Variants in FCHO1 observed in about 807,000 individuals in gnomAD.
FCHO1 encodes the protein F-BAR domain only protein 1.
FCHO1 carries 45 observed loss-of-function variants against 114.4 expected under a neutral mutation model. That is an observed-to-expected ratio of 0.39 (90% CI 0.31 to 0.50). The LOEUF (loss-of-function observed/expected upper bound fraction) is 0.50. Among genes scored for constraint, FCHO1 ranks in the 20% least tolerant of loss-of-function variants. The probability of loss-of-function intolerance (pLI) is 0.77; values close to 1 mark genes in which losing one functional copy is unlikely to be tolerated. For synonymous variants in FCHO1, 480 were observed against 488.9 expected (o/e 0.98, Z 0.24); for missense variants, 1,042 against 1,209.6 (o/e 0.86, Z 2.06).
chr19:17,754,979 G>C, intron 3 of FCHO1, 139 bp from the exon 4 acceptor site: 1 of 670,490 alleles, frequency 1.5e-6, no homozygotes, highest in East Asian at 2.7e-5. Flanking sequence ...ATTATCTCAG[G>C]GGTCCTGGCA....
At chr19:17,778,259 G>T (rs1426236315) in intron 19 of FCHO1, 31 bp downstream of exon 19, 1 of 1,573,170 alleles carries the variant, frequency 6.4e-7, no homozygotes, top group East Asian at 2.2e-5. Flanking sequence ...GAGGGCATGG[G>T]TGTGGCCGGA....
chr19:17,778,561 C>G, intron 19 of FCHO1, 48 bp from the exon 20 acceptor site: 7 of 1,481,686 alleles, frequency 4.7e-6, no homozygotes, highest in Non-Finnish European at 6.3e-6. Flanking sequence ...TGGGCAGGGA[C>G]TCTGAGTGGG....
Position 17,785,555 on chromosome 19 carries a change from C to T in FCHO1, c.2426+631C>T, listed in dbSNP as rs145410252. Among the ~76,000 whole-genome samples, 85 of 152,140 alleles carry T rather than the reference C, an allele frequency of 5.6e-4. 1 individual carries two copies. In the East Asian group the frequency reaches 0.015, roughly 27 times the overall value. ...AAAATATTTTAAAAAGTAGTCAGGC[C>T]GGGTGCGGTGGCTCACACCTGCAAT... On this transcript the variant is annotated intron_variant, in intron 26 of 28. Coordinates refer to ENST00000596536, the MANE Select transcript of FCHO1 (RefSeq NM_015122.3).
intron 28 of FCHO1, 83 bp downstream of exon 28, chr19:17,787,929 G>T (rs1599825533): frequency 6.8e-7 from 1 of 1,476,336 alleles, no homozygotes; most frequent in East Asian, 2.4e-5. Flanking sequence ...AGGGATTGGG[G>T]TGTGGGGATC....
upstream of FCHO1, among the ~76,000 whole-genome samples, chr19:17,750,200 C>T (rs2081546960): frequency 6.6e-6 from 1 of 152,122 alleles, no homozygotes; most frequent in Admixed American, 6.6e-5. Context: ...TAACCTTGGG[C>T]AAGTCTCCGG....
Position 17,770,540 on chromosome 19 carries a change from T to A in FCHO1, c.452T>A (p.Leu151Gln). Reference sequence around the variant, plus strand: ...AACCGTTGCATGGACCAGGAGCGGCTGCGGAGGGAGAGTACCAGCCAGAAG... The same window carrying A: ...AACCGTTGCATGGACCAGGAGCGGCAGCGGAGGGAGAGTACCAGCCAGAAG... The part of the protein sequence containing the change: ...YLNRCMDQER[L>Q]RRESTSQKEM... Residue 151 changes from leucine (L) to glutamine (Q), a missense_variant, in exon 8 of 29, where the codon CTG (leucine) becomes CAG (glutamine). Coordinates refer to ENST00000596536, the MANE Select transcript of FCHO1 (RefSeq NM_015122.3). The A allele has an allele frequency of 6.2e-7, 1 of 1,613,542 alleles. No individual in the cohort carries two copies. Among genetic ancestry groups the A allele is most frequent in the South Asian group, 1.1e-5 (1 of 91,068 alleles).
chr19:17,767,618 A>G (rs1207338263), intron 7 of FCHO1, among the ~76,000 whole-genome samples: 1 of 151,854 alleles, frequency 6.6e-6, no homozygotes, highest in South Asian at 2.1e-4. Context: ...TGGTTTTTAC[A>G]TTATTAAAGG....
intron 20 of FCHO1, 118 bp from the exon 21 acceptor site, chr19:17,781,113 A>T (rs1240091170): frequency 5.7e-6 from 4 of 702,126 alleles, no homozygotes; most frequent in Non-Finnish European, 9.9e-6. Context: ...CTTCAGACCC[A>T]TTGGGGGTCT....
At chr19:17,750,818 CTTTCT>C (rs1229133503), upstream of FCHO1, among the ~76,000 whole-genome samples, 2 of 149,036 alleles carry the variant, frequency 1.3e-5, no homozygotes, top group Admixed American at 6.7e-5. Context: ...ATGTCTTCCC[CTTTCT>C]TTTCTTTTTT....
rs144065747 is a variant in FCHO1 at position 17,781,720 on chromosome 19, C to T, written c.1837C>T (p.Arg613Trp). 141 of 1,601,988 alleles carry T rather than the reference C, an allele frequency of 8.8e-5. No homozygotes were observed. Among genetic ancestry groups the T allele is most frequent in the Non-Finnish European group, 1.1e-4 (124 of 1,173,700 alleles). The change falls in exon 23 of 29, where the codon CGG (arginine) becomes TGG (tryptophan). Residue 613 changes from arginine to tryptophan, a missense_variant. By Grantham distance (101) the Arg-to-Trp change is moderately radical. Around this residue, in one of 3 missense-constraint regions of FCHO1, gnomAD observed 455 missense variants for 455.4 expected, o/e 1.00. Transcript: ENST00000596536. ...CTCTCCACCACCCCCAGGAGTCTCCCGGGGTCCGAGCCCTGTGGTCCTGGG... is the reference window on the plus strand; with the variant it reads ...CTCTCCACCACCCCCAGGAGTCTCCTGGGGTCCGAGCCCTGTGGTCCTGGG... ...FLSQTGHGVSRGPSPVVLGSQ... is the reference protein window; with the variant it reads ...FLSQTGHGVSWGPSPVVLGSQ...
chr19:17,751,201 TGGGTATCG>T (rs1297073705), upstream of FCHO1, among the ~76,000 whole-genome samples: 1 of 152,124 alleles, frequency 6.6e-6, no homozygotes, highest in Non-Finnish European at 1.5e-5. The surrounding 1 kb of genome is among the most constrained non-coding windows in gnomAD (Gnocchi z 4.4). Flanking sequence ...GTCTGTGAAG[TGGGTATCG>T]GCCTACCTCA....
chr19:17,763,057 G>T (rs1183717210), intron 5 of FCHO1, among the ~76,000 whole-genome samples: 2 of 151,976 alleles, frequency 1.3e-5, no homozygotes, highest in Non-Finnish European at 2.9e-5. Flanking sequence ...GATTTCGAAA[G>T]CTCCCCTCCT....
intron 27 of FCHO1, 75 bp from the exon 28 acceptor site, chr19:17,787,607 G>C: frequency 6.8e-7 from 1 of 1,466,484 alleles, no homozygotes; most frequent in South Asian, 1.3e-5. Context: ...CTTCAGGTGT[G>C]GGCCAAAGAT....
In FCHO1 at chr19:17,784,860, G is replaced by C. The variant is rs752333328; in HGVS notation, c.2362G>C (p.Val788Leu). The part of the protein sequence containing the change: ...ATAVPTPLTN[V>L]QILLPVGEPV... Reference sequence around the variant, plus strand: ...GGCTGTGCCCACACCACTCACGAACGTCCAGATCCTGCTGCCTGTGGGGGA... The same window carrying C: ...GGCTGTGCCCACACCACTCACGAACCTCCAGATCCTGCTGCCTGTGGGGGA... Residue 788 changes from valine to leucine, a missense_variant, in exon 26 of 29, where the codon GTC becomes CTC. Coordinates refer to ENST00000596536, the MANE Select transcript of FCHO1 (RefSeq NM_015122.3). The surrounding 1 kb of genome is among the most constrained non-coding windows in gnomAD (Gnocchi z 5.3). 1.6e-5 allele frequency: 26 copies of C among 1,613,570 alleles called. No individual in the cohort carries two copies. Among genetic ancestry groups the C allele is most frequent in the Non-Finnish European group, 2.0e-5 (24 of 1,180,022 alleles).
intron 23 of FCHO1, 105 bp from the exon 24 acceptor site, chr19:17,782,912 C>T (rs2093556308): frequency 6.2e-6 from 8 of 1,292,476 alleles, no homozygotes; most frequent in African/African-American, 2.9e-5. Context: ...CTCCTAGATC[C>T]GAGGAGTCTG....
At chr19:17,748,157 C>T (rs988182533), upstream of FCHO1, among the ~76,000 whole-genome samples, 8 of 152,198 alleles carry the variant, frequency 5.3e-5, no homozygotes, top group East Asian at 5.8e-4. Context: ...GCGCCGCTCC[C>T]CTTCCAGCCT....
chr19:17,783,067 T>G lies in FCHO1; in HGVS notation c.1988T>G (p.Ile663Ser). 5.0e-6 allele frequency: 8 copies of G among 1,614,124 alleles called. No homozygotes were observed. Among genetic ancestry groups the G allele is most frequent in the Non-Finnish European group, 6.8e-6 (8 of 1,180,000 alleles). ...CTGACCATGACCTTCCCTGCTGGCATCGTGCGTGTGTTCAGCGGGACCCCA... is the reference window on the plus strand; with the variant it reads ...CTGACCATGACCTTCCCTGCTGGCAGCGTGCGTGTGTTCAGCGGGACCCCA... ...GELTMTFPAG[I>S]VRVFSGTPPP... The change falls in exon 24 of 29, where the codon ATC becomes AGC. Residue 663 changes from isoleucine (I) to serine (S), a missense_variant. This residue lies in a region of FCHO1 where 455 missense variants were observed against 455.4 expected (regional missense o/e 1.00). Coordinates refer to ENST00000596536, the MANE Select transcript of FCHO1 (RefSeq NM_015122.3).
In FCHO1 at chr19:17,778,900, C is replaced by T; in HGVS notation, c.1627+16C>T. The T allele has an allele frequency of 6.5e-7, 1 of 1,530,764 alleles. No homozygotes were observed. The highest frequency in any genetic ancestry group is 8.7e-7 in the Non-Finnish European group (1 of 1,147,352). 94.8% of individuals were successfully genotyped at this position (1,530,764 alleles called of 1,614,324 possible). A position where few individuals can be genotyped will look rare whatever the true frequency, so the allele number is the denominator to read the frequency against. ...GCCGGAGGAGGTGAGTCCAGCGGGC[C>T]TGGGCCTGAGAGTTGCTGGAACCCT... is the stretch of plus-strand genomic sequence containing the variant. On this transcript the variant is annotated intron_variant, in intron 20 of 28. Transcript: ENST00000596536.
chr19:17,769,691 C>A (rs565385549), intron 7 of FCHO1, among the ~76,000 whole-genome samples: 5 of 151,968 alleles, frequency 3.3e-5, no homozygotes, highest in Admixed American at 2.6e-4. Context: ...TGGGTTAGAA[C>A]AAGCATCTTT....
Sources: allele counts gnomAD v4.1 joint callset (sites outside exome capture counted in the v4.1 genomes callset), GRCh38; gene constraint gnomAD v4.1.1; regional missense constraint gnomAD v4.1.1; non-coding constraint Gnocchi (gnomAD v3.1); transcripts MANE v1.5; gene names NCBI Gene and HGNC (gene_info 2026-07-23, HGNC 2026-07-21).